EPHB1: variants seen among roughly 807,000 people sequenced by gnomAD.
The protein encoded by EPHB1 is EPH receptor B1.
EPHB1 carries 30 observed loss-of-function variants against 94.4 expected under a neutral mutation model. The ratio of observed to expected loss-of-function variants is 0.32; its 90% confidence interval spans 0.24 to 0.43. EPHB1 has a LOEUF of 0.43. Among genes scored for constraint, EPHB1 ranks in the 20% least tolerant of loss-of-function variants. The pLI, the probability that EPHB1 is intolerant of heterozygous loss-of-function variation, is 1.00. For synonymous variants in EPHB1, 522 were observed against 489.1 expected, an observed-to-expected ratio of 1.07 and a Z score of -0.89; for missense variants, 1,055 against 1,308.3, an observed-to-expected ratio of 0.81 and a Z score of 2.99.
At chr3:134,799,501 C>T (rs1447208071) in intron 1 of EPHB1, among the ~76,000 whole-genome samples, 4 of 152,218 alleles carry the variant, frequency 2.6e-5, no homozygotes, top group Non-Finnish European at 4.4e-5. Flanking sequence ...CCTCAAGCCA[C>T]GCATGGAATG....
At chr3:134,959,839 G>A (rs1215350426) in intron 3 of EPHB1, among the ~76,000 whole-genome samples, 2 of 152,106 alleles carry the variant, frequency 1.3e-5, no homozygotes, top group Non-Finnish European at 2.9e-5. Context: ...GACCCTGCAT[G>A]GGCCTGTGAG....
chr3:135,077,721 A>G (rs1937991606), intron 3 of EPHB1, among the ~76,000 whole-genome samples: 1 of 152,224 alleles, frequency 6.6e-6, no homozygotes, highest in Non-Finnish European at 1.5e-5. Flanking sequence ...AGGAGGGACT[A>G]GAGCCGACCC....
Position 134,951,540 on chromosome 3 carries a change from G to A in EPHB1, c.293G>A (p.Ser98Asn), listed in dbSNP as rs1353311326. The A allele has an allele frequency of 2.5e-6, 4 of 1,613,966 alleles. No homozygotes were observed. Among genetic ancestry groups the A allele is most frequent in the Non-Finnish European group, 3.4e-6 (4 of 1,179,876 alleles). The change falls in exon 3 of 16, where the codon AGC becomes AAC. Residue 98 changes from serine to asparagine, a missense_variant. Physicochemically the swap from Ser to Asn is conservative, Grantham distance 46. Transcript: ENST00000398015. The surrounding 1 kb of genome is among the most constrained non-coding windows in gnomAD (Gnocchi z 4.5). ...CGCTTCACTGTGAGAGACTGCAGCA[G>A]CCTCCCTAATGTCCCAGGATCCTGC... ...EMRFTVRDCS[S>N]LPNVPGSCKE...
chr3:135,257,131 A>G (rs977648122), intron 15 of EPHB1, among the ~76,000 whole-genome samples: 5 of 150,574 alleles, frequency 3.3e-5, no homozygotes, highest in Non-Finnish European at 5.9e-5. Context: ...AATTTTTTTC[A>G]AAGGTTTCAA....
chr3:135,254,576 G>A (rs890541274), intron 15 of EPHB1, among the ~76,000 whole-genome samples: 5 of 151,992 alleles, frequency 3.3e-5, no homozygotes, highest in African/African-American at 1.2e-4. Context: ...ACTTGATCAT[G>A]GTGAATAAGC....
chr3:135,120,373 A>T (rs563473426), intron 4 of EPHB1, among the ~76,000 whole-genome samples: 11 of 152,328 alleles, frequency 7.2e-5, no homozygotes, highest in Non-Finnish European at 1.6e-4. Flanking sequence ...ATTTTTTATT[A>T]TATTTTCAAA....
At position 135,054,038 on chromosome 3, in the gene EPHB1, T is replaced by C. The variant is rs371319001; in HGVS notation, c.806-52410T>C. Among the ~76,000 whole-genome samples, 909 of 107,538 alleles carry C rather than the reference T, an allele frequency of 8.5e-3. 7 individuals carry two copies. The highest frequency in any genetic ancestry group is 0.022 in the East Asian group (104 of 4,738). 70.5% of individuals were successfully genotyped at this position (107,538 alleles called of 152,430 possible). On this transcript the variant is annotated intron_variant, in intron 3 of 15. Transcript: ENST00000398015. ...ATGTGTGTCTGCATATATATATATATATACACACACACACACACACACACA... is the reference window on the plus strand; with the variant it reads ...ATGTGTGTCTGCATATATATATATACATACACACACACACACACACACACA...
At chr3:134,848,810 A>G (rs1264286061) in intron 1 of EPHB1, among the ~76,000 whole-genome samples, 1 of 151,982 alleles carries the variant, frequency 6.6e-6, no homozygotes, top group Non-Finnish European at 1.5e-5. Context: ...CTTGCAGCCC[A>G]CTAAATCTTG....
chr3:135,060,511 CAT>C (rs1937467483), intron 3 of EPHB1, among the ~76,000 whole-genome samples: 1 of 152,010 alleles, frequency 6.6e-6, no homozygotes, highest in Non-Finnish European at 1.5e-5. Context: ...TTTGTAAGGA[CAT>C]ATGTTTTTAA....
intron 1 of EPHB1, among the ~76,000 whole-genome samples, chr3:134,890,582 G>T (rs778423302): frequency 1.3e-5 from 2 of 152,166 alleles, no homozygotes; most frequent in Non-Finnish European, 2.9e-5. Context: ...TACTTGTTCA[G>T]CTCTCCTATA....
intron 2 of EPHB1, among the ~76,000 whole-genome samples, chr3:134,940,455 C>A (rs2039089050): frequency 6.6e-6 from 1 of 152,198 alleles, no homozygotes; most frequent in African/African-American, 2.4e-5. Context: ...GTGGGGTCTG[C>A]CTGCCCTGGC....
chr3:135,205,290 G>A (rs1942872940), intron 12 of EPHB1, among the ~76,000 whole-genome samples: 1 of 151,982 alleles, frequency 6.6e-6, no homozygotes, highest in Non-Finnish European at 1.5e-5. Context: ...TTTCTATCGG[G>A]TTGTTTGTTG....
intron 3 of EPHB1, among the ~76,000 whole-genome samples, chr3:134,987,439 G>A (rs1934639489): frequency 6.6e-6 from 1 of 152,104 alleles, no homozygotes; most frequent in African/African-American, 2.4e-5. Context: ...AAGCACCAGA[G>A]TGCTGTTTCT....
intron 3 of EPHB1, among the ~76,000 whole-genome samples, chr3:135,065,168 T>A (rs975348868): frequency 1.3e-5 from 2 of 152,168 alleles, no homozygotes; most frequent in Admixed American, 1.3e-4. Flanking sequence ...GAATAGAATG[T>A]GTATTCTGCA....
At chr3:135,111,796 C>T (rs145878628) in intron 4 of EPHB1, among the ~76,000 whole-genome samples, 381 of 152,324 alleles carry the variant, frequency 2.5e-3, no homozygotes, top group African/African-American at 8.4e-3. Context: ...TCTCCTGCCT[C>T]AGCCTCCCGA....
At chr3:135,056,409 C>G (rs994557462) in intron 3 of EPHB1, among the ~76,000 whole-genome samples, 2 of 152,230 alleles carry the variant, frequency 1.3e-5, no homozygotes, top group African/African-American at 4.8e-5. Flanking sequence ...TGGGATACAC[C>G]CTTCTCAGCA....
chr3:134,854,697 C>T (rs1197449823), intron 1 of EPHB1, among the ~76,000 whole-genome samples: 1 of 152,134 alleles, frequency 6.6e-6, no homozygotes, highest in African/African-American at 2.4e-5. Flanking sequence ...TTTTCCTCAT[C>T]CATTGACTGC....
intron 12 of EPHB1, among the ~76,000 whole-genome samples, chr3:135,212,407 T>C (rs1410515382): frequency 6.6e-6 from 1 of 152,206 alleles, no homozygotes; most frequent in East Asian, 1.9e-4. Context: ...GATGTGGTGA[T>C]TGGATTCTGC....
At chr3:134,926,050 T>A (rs2107702355) in intron 2 of EPHB1, among the ~76,000 whole-genome samples, 170 bp downstream of exon 2, 1 of 152,316 alleles carries the variant, frequency 6.6e-6, no homozygotes, top group African/African-American at 2.4e-5. Context: ...GTCTCAGACC[T>A]GAGCTGCTGC....
Sources: gnomAD v4.1 joint callset for allele counts (sites outside exome capture counted in the v4.1 genomes callset) on GRCh38, gnomAD v4.1.1 for gene constraint, Gnocchi (gnomAD v3.1) non-coding constraint, MANE v1.5 for transcripts, NCBI Gene and HGNC (gene_info 2026-07-23, HGNC 2026-07-21) for gene names.